The following NRXN1 variants were observed in gnomAD, a reference collection of about 807,000 sequenced individuals.
NRXN1 encodes the protein neurexin 1.
NRXN1 carries 39 observed loss-of-function variants against 150.9 expected under a neutral mutation model. The observed-to-expected ratio is 0.26, with a 90% CI of 0.20 to 0.34. The LOEUF (loss-of-function observed/expected upper bound fraction) is 0.34, where lower values mean the gene tolerates loss of function less well. NRXN1 is among the 10% of genes least tolerant of loss of function. The pLI is 1.00. For missense variants in NRXN1, 1,815 were observed against 1,949.9 expected (o/e 0.93, Z 1.30); for synonymous variants, 924 against 757.0 (o/e 1.22, Z -3.62).
chr2:50,518,797 T>A (rs1433883393), intron 12 of NRXN1, among the ~76,000 whole-genome samples: 3 of 151,862 alleles, frequency 2.0e-5, no homozygotes. Context: ...CTTCTTAACA[T>A]AAGGATAGCT....
chr2:50,514,070 T>C (rs1343848631), intron 12 of NRXN1, among the ~76,000 whole-genome samples: 1 of 152,238 alleles, frequency 6.6e-6, no homozygotes. Context: ...ACATATTCAT[T>C]GTAATTTCTA....
At chr2:50,787,492 G>T (rs540186814) in intron 5 of NRXN1, among the ~76,000 whole-genome samples, 2 of 149,756 alleles carry the variant, frequency 1.3e-5, no homozygotes, top group Admixed American at 6.7e-5. Flanking sequence ...AACCCAGGAG[G>T]TAGAGGTTGC....
chr2:50,059,054 GGGTAACA>G (rs1397848994), intron 19 of NRXN1, among the ~76,000 whole-genome samples: 1 of 152,140 alleles, frequency 6.6e-6, no homozygotes, highest in Non-Finnish European at 1.5e-5. Context: ...CTTTGGAACT[GGGTAACA>G]GGCAGAGGAT....
chr2:50,253,460 T>C (rs2067367931), intron 17 of NRXN1, among the ~76,000 whole-genome samples: 1 of 152,146 alleles, frequency 6.6e-6, no homozygotes, highest in Admixed American at 6.6e-5. Flanking sequence ...TGATTGGAAG[T>C]TGTGAGAGAG....
At chr2:49,939,660 G>A (rs935687718) in intron 22 of NRXN1, among the ~76,000 whole-genome samples, 1 of 152,068 alleles carries the variant, frequency 6.6e-6, no homozygotes, top group Non-Finnish European at 1.5e-5. Flanking sequence ...TTTCAGCCAG[G>A]AAAAGTAACA....
At chr2:50,864,630 C>CA (rs1333249281) in intron 5 of NRXN1, among the ~76,000 whole-genome samples, 3 of 151,952 alleles carry the variant, frequency 2.0e-5, no homozygotes, top group East Asian at 3.9e-4. Flanking sequence ...TGCCATATCA[C>CA]AAAAAATATT....
At chr2:50,081,532 T>C (rs1697966764) in intron 19 of NRXN1, among the ~76,000 whole-genome samples, 1 of 152,156 alleles carries the variant, frequency 6.6e-6, no homozygotes, top group South Asian at 2.1e-4. Flanking sequence ...AGCCCGGTGA[T>C]AGAGCAAGAC....
chr2:50,601,541 T>C (rs1573739102), intron 8 of NRXN1, among the ~76,000 whole-genome samples: 1 of 152,188 alleles, frequency 6.6e-6, no homozygotes, highest in Non-Finnish European at 1.5e-5. Flanking sequence ...AGAAAGTCAG[T>C]TGTTCAAAGA....
intron 2 of NRXN1, among the ~76,000 whole-genome samples, chr2:50,976,074 G>A (rs1207181415): frequency 1.3e-5 from 2 of 151,910 alleles, no homozygotes; most frequent in African/African-American, 4.8e-5. Context: ...TCCCAATAAT[G>A]CCTGTGTGCC....
intron 9 of NRXN1, 51 bp downstream of exon 9, chr2:50,552,536 G>A: frequency 7.2e-7 from 1 of 1,380,074 alleles, no homozygotes; most frequent in Non-Finnish European, 1.0e-6. Flanking sequence ...AATGGCATGG[G>A]TGGGTGGGGT....
At chr2:50,118,710 A>G (rs1703425641) in intron 18 of NRXN1, among the ~76,000 whole-genome samples, 1 of 152,212 alleles carries the variant, frequency 6.6e-6, no homozygotes, top group Non-Finnish European at 1.5e-5. Context: ...ACTAGGCTCA[A>G]GAAATCTGGG....
At chr2:50,525,887 T>C (rs2092938248) in intron 12 of NRXN1, among the ~76,000 whole-genome samples, 1 of 152,154 alleles carries the variant, frequency 6.6e-6, no homozygotes, top group Admixed American at 6.5e-5. Flanking sequence ...TCAGAGGAAA[T>C]TTTAACAAAG....
intron 2 of NRXN1, among the ~76,000 whole-genome samples, chr2:51,000,213 G>C (rs960733163): frequency 6.6e-6 from 1 of 151,952 alleles, no homozygotes; most frequent in African/African-American, 2.4e-5. Flanking sequence ...TCAAATGTCA[G>C]CTTCTCAGAA....
At chr2:50,005,358 T>G (rs971777913) in intron 21 of NRXN1, among the ~76,000 whole-genome samples, 9 of 152,280 alleles carry the variant, frequency 5.9e-5, no homozygotes, top group Admixed American at 5.2e-4. Context: ...TGTTAAAAAT[T>G]GATTCTTATT....
intron 17 of NRXN1, among the ~76,000 whole-genome samples, chr2:50,265,056 G>C (rs1332914695): frequency 6.6e-6 from 1 of 152,102 alleles, no homozygotes; most frequent in Non-Finnish European, 1.5e-5. Context: ...AAAATTTCCA[G>C]ATGCCAGAAA....
At chr2:50,559,084 AAAAT>A (rs61143105) in intron 8 of NRXN1, among the ~76,000 whole-genome samples, 15 of 151,994 alleles carry the variant, frequency 9.9e-5, no homozygotes, top group African/African-American at 1.9e-4. Flanking sequence ...TCCGTCTCAA[AAAAT>A]AAATAAATAA....
intron 17 of NRXN1, among the ~76,000 whole-genome samples, chr2:50,453,469 T>A (rs1378751380): frequency 6.6e-6 from 1 of 152,176 alleles, no homozygotes; most frequent in Admixed American, 6.5e-5. Context: ...TTAAACTTTT[T>A]TTCTCAACTC....
rs537522273 is a variant in NRXN1 at position 50,022,341 on chromosome 2, T to G, written c.4128+30930A>C. Reference sequence around the variant, plus strand: ...TCCTTATTGTTCCAGTCCTGGATATTAACTTCTAGAATTTAAAAAAGGTGA... The same window carrying G: ...TCCTTATTGTTCCAGTCCTGGATATGAACTTCTAGAATTTAAAAAAGGTGA... On this transcript the variant is annotated intron_variant, in intron 21 of 22. Coordinates refer to ENST00000401669, the MANE Select transcript of NRXN1 (RefSeq NM_001330078.2). Among the ~76,000 whole-genome samples, 15 of 152,354 alleles carry G rather than the reference T, an allele frequency of 9.8e-5. No homozygotes were observed. The East Asian group carries it at 2.7e-3, about 27-fold the overall frequency.
Position 50,651,132 on chromosome 2 carries a change from A to C in NRXN1, c.833-27517T>G, listed in dbSNP as rs556937149. On this transcript the variant is annotated intron_variant, in intron 5 of 22. Coordinates refer to ENST00000401669, the MANE Select transcript of NRXN1 (RefSeq NM_001330078.2). ...ATAAATTGTAAGGTCCTTGAAATTA[A>C]GTTCTGGAAAAAATAAGCAAATTCT... Among the ~76,000 whole-genome samples, 10 of 152,128 alleles carry C rather than the reference A, an allele frequency of 6.6e-5. 1 individual carries two copies. The South Asian group carries it at 2.1e-3, about 32-fold the overall frequency.
Sources: gnomAD v4.1 joint callset for allele counts (sites outside exome capture counted in the v4.1 genomes callset) on GRCh38, gnomAD v4.1.1 for gene constraint, MANE v1.5 for transcripts, NCBI Gene and HGNC (gene_info 2026-07-23, HGNC 2026-07-21) for gene names.